NPNT: variants seen among roughly 807,000 people sequenced by gnomAD.
The protein encoded by NPNT is nephronectin.
Under a neutral mutation model 68.6 loss-of-function variants are expected in NPNT, and 45 were observed. The ratio of observed to expected loss-of-function variants is 0.66; its 90% CI spans 0.52 to 0.84. NPNT has a LOEUF of 0.84. NPNT is among the 40% of genes least tolerant of loss of function. The probability of loss-of-function intolerance (pLI) is 0.00; values close to 1 mark genes in which losing one functional copy is unlikely to be tolerated. For synonymous variants in NPNT, 233 were observed against 253.3 expected (o/e 0.92, Z 0.76); for missense variants, 672 against 714.8 (o/e 0.94, Z 0.68).
intron 1 of NPNT, among the ~76,000 whole-genome samples, chr4:105,896,352 T>A (rs748763396): frequency 2.0e-5 from 3 of 152,054 alleles, no homozygotes; most frequent in Non-Finnish European, 4.4e-5. Flanking sequence ...GCGCCGCTCC[T>A]CAGACTCGGG....
At chr4:105,958,345 A>G in intron 8 of NPNT, 126 bp from the exon 9 acceptor site, 1 of 484,608 alleles carries the variant, frequency 2.1e-6, no homozygotes, top group Non-Finnish European at 3.7e-6. Context: ...ATAATTAAAT[A>G]TTTTGGATTC....
At position 105,970,687 on chromosome 4, in the gene NPNT, A is replaced by G; in HGVS notation, c.*1697A>G. ...CAGTATCTCTCTCTCTTTCTAAAAA[A>G]TTAGATAAAAATTTGTCTATTTAAG... On this transcript the variant is annotated 3_prime_UTR_variant, in exon 12 of 12. Coordinates refer to ENST00000379987, the MANE Select transcript of NPNT (RefSeq NM_001033047.3). 4.0e-6 allele frequency: 2 copies of G among 503,982 alleles called. No homozygotes were observed. Among genetic ancestry groups the G allele is most frequent in the South Asian group, 1.9e-5 (1 of 53,350 alleles). The allele number at this position is 503,982 out of a possible 1,614,324, so 31.2% of individuals were successfully genotyped here.
At chr4:105,907,437 G>C (rs939726826) in intron 2 of NPNT, among the ~76,000 whole-genome samples, 1 of 152,178 alleles carries the variant, frequency 6.6e-6, no homozygotes, top group African/African-American at 2.4e-5. Context: ...GCAGAGACTA[G>C]CGTGAACCAA....
intron 10 of NPNT, among the ~76,000 whole-genome samples, chr4:105,962,878 T>C (rs1731838842): frequency 1.3e-5 from 2 of 151,830 alleles, no homozygotes; most frequent in African/African-American, 2.4e-5. Flanking sequence ...TGTATGTGTG[T>C]GTGTGTATGT....
intron 3 of NPNT, among the ~76,000 whole-genome samples, chr4:105,934,688 A>G (rs1157090578): frequency 6.6e-6 from 1 of 152,222 alleles, no homozygotes; most frequent in Non-Finnish European, 1.5e-5. Context: ...AACAGGTAAA[A>G]TAGCCAGTAC....
intron 3 of NPNT, among the ~76,000 whole-genome samples, chr4:105,934,226 C>T (rs1729345509): frequency 6.6e-6 from 1 of 152,010 alleles, no homozygotes; most frequent in Admixed American, 6.6e-5. Context: ...TGAATGATCT[C>T]CAATAGATTG....
intron 9 of NPNT, 115 bp from the exon 10 acceptor site, chr4:105,958,913 T>G: frequency 7.5e-6 from 5 of 665,718 alleles, no homozygotes; most frequent in Non-Finnish European, 1.3e-5. Context: ...AAAGAAGCTC[T>G]GGTTATATGG....
At chr4:105,936,779 G>A (rs11939967) in intron 3 of NPNT, among the ~76,000 whole-genome samples, 3 of 152,124 alleles carry the variant, frequency 2.0e-5, no homozygotes, top group Admixed American at 6.6e-5. Flanking sequence ...TTCCTAACTG[G>A]CCTTTATAAA....
At chr4:105,927,934 T>C (rs1467621031) in intron 3 of NPNT, among the ~76,000 whole-genome samples, 1 of 152,216 alleles carries the variant, frequency 6.6e-6, no homozygotes, top group African/African-American at 2.4e-5. Context: ...TAGCAAGCAC[T>C]TTTTAAAAAA....
At position 105,940,621 on chromosome 4, in the gene NPNT, G is replaced by A. The variant is rs1560922430; in HGVS notation, c.748G>A (p.Gly250Arg). ...ATGTAAAGAAGGATACCAGGGTGATGGACTGACTTGTGTGTGTGAGTAGCA... is the reference window on the plus strand; with the variant it reads ...ATGTAAAGAAGGATACCAGGGTGATAGACTGACTTGTGTGTGTGAGTAGCA... Reference protein sequence around the residue: ...CKCKEGYQGDGLTCVYIPKVM... With the variant: ...CKCKEGYQGDRLTCVYIPKVM... Residue 250 changes from glycine to arginine, a missense_variant, in exon 7 of 12, where the codon GGA becomes AGA. Coordinates refer to ENST00000379987, the MANE Select transcript of NPNT (RefSeq NM_001033047.3). The A allele has an allele frequency of 6.2e-7, 1 of 1,613,242 alleles. No individual in the cohort carries two copies. The highest frequency in any genetic ancestry group is 1.7e-5 in the Admixed American group (1 of 59,960).
At chr4:105,915,824 C>A (rs1423925198) in intron 2 of NPNT, among the ~76,000 whole-genome samples, 1 of 152,168 alleles carries the variant, frequency 6.6e-6, no homozygotes, top group African/African-American at 2.4e-5. Context: ...GATTTCATTT[C>A]TTTCCACTAT....
chr4:105,896,030 C>G, intron 1 of NPNT: 1 of 418,678 alleles, frequency 2.4e-6, no homozygotes, highest in Non-Finnish European at 4.3e-6. Context: ...GCTCTGAGGG[C>G]GCGGTTTAGC....
At chr4:105,927,855 C>T (rs1289697540) in intron 3 of NPNT, among the ~76,000 whole-genome samples, 1 of 152,096 alleles carries the variant, frequency 6.6e-6, no homozygotes, top group African/African-American at 2.4e-5. Context: ...CCCTTCGATT[C>T]GTGATTAAAT....
intron 4 of NPNT, among the ~76,000 whole-genome samples, chr4:105,937,579 C>T (rs1377879549): frequency 6.6e-6 from 1 of 151,224 alleles, no homozygotes; most frequent in African/African-American, 2.4e-5. Context: ...ATTATAAAAG[C>T]CTTTAGGCTT....
chr4:105,900,477 C>T (rs940082976), intron 2 of NPNT, among the ~76,000 whole-genome samples: 4 of 152,156 alleles, frequency 2.6e-5, no homozygotes, highest in Non-Finnish European at 5.9e-5. Flanking sequence ...GTCAAATGTA[C>T]GTATCTGTAC....
chr4:105,913,925 G>A (rs1463982762), intron 2 of NPNT, among the ~76,000 whole-genome samples: 1 of 152,058 alleles, frequency 6.6e-6, no homozygotes, highest in African/African-American at 2.4e-5. Context: ...TTGAATGTGA[G>A]CATTTAGAGT....
intron 1 of NPNT, among the ~76,000 whole-genome samples, chr4:105,897,342 CTTT>C (rs1290687456): frequency 1.3e-5 from 2 of 152,076 alleles, no homozygotes; most frequent in East Asian, 3.8e-4. Context: ...TTTTCTAGTA[CTTT>C]TTTGTTTTTT....
At chr4:105,902,020 A>C (rs575997619) in intron 2 of NPNT, among the ~76,000 whole-genome samples, 2 of 152,320 alleles carry the variant, frequency 1.3e-5, no homozygotes, top group African/African-American at 4.8e-5. Context: ...TAGTAAACAA[A>C]ATATTTAAAT....
chr4:105,957,279 T>C (rs766369043), intron 8 of NPNT, among the ~76,000 whole-genome samples: 1 of 152,168 alleles, frequency 6.6e-6, no homozygotes, highest in Non-Finnish European at 1.5e-5. Context: ...TAAAGTCTGC[T>C]TCTCCCATTA....
Sources: gnomAD v4.1 joint callset for allele counts (sites outside exome capture counted in the v4.1 genomes callset) on GRCh38, gnomAD v4.1.1 for gene constraint, MANE v1.5 for transcripts, NCBI Gene and HGNC (gene_info 2026-07-23, HGNC 2026-07-21) for gene names.